SOX6: variants seen among roughly 807,000 people sequenced by gnomAD.
SOX6 encodes the protein SRY-box transcription factor 6, also known as transcription factor SOX-6.
A neutral mutation model predicts 97.8 loss-of-function variants in SOX6; 11 were observed. The ratio of observed to expected loss-of-function variants is 0.11; its 90% confidence interval spans 0.07 to 0.19. The LOEUF (loss-of-function observed/expected upper bound fraction) is 0.19, where lower values mean the gene tolerates loss of function less well. SOX6 is among the 10% of genes least tolerant of loss of function. The pLI is 1.00. For missense variants in SOX6, 810 were observed against 1,039.5 expected, an observed-to-expected ratio of 0.78 and a Z score of 3.04; for synonymous variants, 360 against 371.4, an observed-to-expected ratio of 0.97 and a Z score of 0.35.
chr11:16,456,818 T>C (rs751573554), intron 1 of SOX6, among the ~76,000 whole-genome samples: 3 of 152,072 alleles, frequency 2.0e-5, no homozygotes, highest in Non-Finnish European at 4.4e-5. Context: ...AGTGAAGAAA[T>C]AAAAGATTTC....
intron 6 of SOX6, among the ~76,000 whole-genome samples, chr11:16,128,866 T>C (rs1021062585): frequency 2.0e-5 from 3 of 152,048 alleles, no homozygotes; most frequent in African/African-American, 7.2e-5. Context: ...TTTTTATTTA[T>C]TTATTTATTT....
intron 9 of SOX6, among the ~76,000 whole-genome samples, chr11:16,089,798 T>A (rs1305655981): frequency 6.6e-6 from 1 of 152,106 alleles, no homozygotes. Flanking sequence ...CTGCCTATTC[T>A]GTTACCTGGA....
At chr11:16,386,059 A>C (rs1258321610) in intron 1 of SOX6, among the ~76,000 whole-genome samples, 1 of 152,092 alleles carries the variant, frequency 6.6e-6, no homozygotes, top group Non-Finnish European at 1.5e-5. Flanking sequence ...GCCTTATTTC[A>C]AAGCTGTCTT....
At chr11:16,537,087 C>G (rs562948530) in intron 4 of SOX6, among the ~76,000 whole-genome samples, 1 of 152,306 alleles carries the variant, frequency 6.6e-6, no homozygotes, top group East Asian at 1.9e-4. Context: ...AAGTGCCCCT[C>G]TGGGACAAAG....
intron 11 of SOX6, among the ~76,000 whole-genome samples, chr11:16,048,504 T>C (rs1847601224): frequency 6.6e-6 from 1 of 152,180 alleles, no homozygotes; most frequent in South Asian, 2.1e-4. Flanking sequence ...TAGATTCTAG[T>C]CCTGTTTCTG....
upstream of SOX6, among the ~76,000 whole-genome samples, chr11:16,476,681 GAGAA>G (rs1261747857): frequency 6.6e-5 from 10 of 152,106 alleles, no homozygotes; most frequent in South Asian, 2.1e-4. Context: ...AAATTTTTAA[GAGAA>G]AGAAAGAAAC....
At chr11:16,452,657 T>C (rs1859740855) in intron 1 of SOX6, among the ~76,000 whole-genome samples, 1 of 152,148 alleles carries the variant, frequency 6.6e-6, no homozygotes. Flanking sequence ...ATGGCCTGTA[T>C]GAGTTGAACT....
intron 3 of SOX6, among the ~76,000 whole-genome samples, chr11:16,679,450 C>A (rs985211747): frequency 6.6e-6 from 1 of 152,168 alleles, no homozygotes; most frequent in Non-Finnish European, 1.5e-5. Flanking sequence ...CACACCAAAA[C>A]CCCACTGTAG....
chr11:16,070,844 T>C (rs1848206958), intron 9 of SOX6, among the ~76,000 whole-genome samples: 2 of 152,164 alleles, frequency 1.3e-5, no homozygotes, highest in African/African-American at 4.8e-5. Flanking sequence ...TAACCCCCTA[T>C]ATCCCTCCCA....
At chr11:16,242,081 A>G (rs1167200078) in intron 3 of SOX6, among the ~76,000 whole-genome samples, 8 of 152,086 alleles carry the variant, frequency 5.3e-5, no homozygotes, top group African/African-American at 1.2e-4. Flanking sequence ...TCTAAATTTT[A>G]ACCATCTGGA....
Position 16,262,490 on chromosome 11 carries a change from C to T in SOX6, c.446-27819G>A, listed in dbSNP as rs79167543. On this transcript the variant is annotated intron_variant, in intron 3 of 15. Transcript: ENST00000683767. ...CTAAAAGTGTGCTCTTTAAAAGAGACAATGTCTCAGAGTGCAAGTTCTGTA... is the reference window on the plus strand; with the variant it reads ...CTAAAAGTGTGCTCTTTAAAAGAGATAATGTCTCAGAGTGCAAGTTCTGTA... Among the ~76,000 whole-genome samples, 10 of 152,118 alleles carry T rather than the reference C, an allele frequency of 6.6e-5. No individual in the cohort carries two copies. The East Asian group carries it at 1.9e-3, about 29-fold the overall frequency.
At chr11:16,584,409 G>A (rs931260368) in intron 4 of SOX6, among the ~76,000 whole-genome samples, 1 of 152,114 alleles carries the variant, frequency 6.6e-6, no homozygotes, top group Non-Finnish European at 1.5e-5. Context: ...ATCTCCTCCA[G>A]TATCATCATC....
At chr11:16,621,440 T>G (rs889057018) in intron 3 of SOX6, among the ~76,000 whole-genome samples, 1 of 152,178 alleles carries the variant, frequency 6.6e-6, no homozygotes, top group Non-Finnish European at 1.5e-5. Context: ...ATACATTGAC[T>G]GTCATGGTCA....
At chr11:16,415,594 TGAG>T (rs1325499745) in intron 1 of SOX6, among the ~76,000 whole-genome samples, 2 of 152,166 alleles carry the variant, frequency 1.3e-5, no homozygotes, top group African/African-American at 4.8e-5. Flanking sequence ...GATAAATATT[TGAG>T]GTGATGGATA....
chr11:16,049,938 C>T lies in SOX6; in HGVS notation c.1252G>A (p.Asp418Asn). Reference sequence around the variant, plus strand: ...TTCAGAGGCTGTGCTGCTGCTTCATCCTACAAGAGTTTAACGTAAATAATT... The same window carrying T: ...TTCAGAGGCTGTGCTGCTGCTTCATTCTACAAGAGTTTAACGTAAATAATT... ...RGTSPVTQVK[D>N]EAAAQPLNLS... The change falls in exon 11 of 16, where the codon GAT becomes AAT. Residue 418 changes from aspartate (D) to asparagine (N), a missense_variant and splice_region_variant. Asp to Asn is a conservative substitution (Grantham distance 23, BLOSUM62 1). Transcript: ENST00000683767. 1 of 1,613,492 alleles carries T rather than the reference C, an allele frequency of 6.2e-7. No individual in the cohort carries two copies. The highest frequency in any genetic ancestry group is 8.5e-7 in the Non-Finnish European group (1 of 1,179,640).
At position 16,274,569 on chromosome 11, in the gene SOX6, T is replaced by C. The variant is rs1392618393; in HGVS notation, c.446-39898A>G. The stretch of plus-strand genomic sequence containing the variant: ...TTCTTTAAAAACACACAGAGGTAAA[T>C]ATGCAAAGAGATTAACCATGTTTAG... On this transcript the variant is annotated intron_variant, in intron 3 of 15. Transcript: ENST00000683767. Among the ~76,000 whole-genome samples the C allele has an allele frequency of 2.6e-5, 4 of 152,146 alleles. No individual in the cohort carries two copies. In the East Asian group the frequency reaches 7.7e-4, roughly 29 times the overall value.
chr11:16,489,414 T>A (rs888657076), intron 4 of SOX6, among the ~76,000 whole-genome samples: 1 of 152,098 alleles, frequency 6.6e-6, no homozygotes, highest in Non-Finnish European at 1.5e-5. Context: ...CTAGGCATAA[T>A]ATTATGTCAT....
chr11:16,359,973 A>C (rs60215828), upstream of SOX6, among the ~76,000 whole-genome samples: 408 of 152,328 alleles, frequency 2.7e-3, 1 homozygote, highest in African/African-American at 9.4e-3. Context: ...GTTACAAAGT[A>C]AATGAGAGAG....
intron 4 of SOX6, among the ~76,000 whole-genome samples, chr11:16,212,541 C>G (rs1590033550): frequency 6.6e-6 from 1 of 152,032 alleles, no homozygotes; most frequent in East Asian, 1.9e-4. Flanking sequence ...CTATTATAAA[C>G]AATGCTATAA....
Sources: gnomAD v4.1 joint callset for allele counts (sites outside exome capture counted in the v4.1 genomes callset) on GRCh38, gnomAD v4.1.1 for gene constraint, MANE v1.5 for transcripts, NCBI Gene and HGNC (gene_info 2026-07-23, HGNC 2026-07-21) for gene names.